The following SLIT3 variants were observed in gnomAD, a reference collection of about 807,000 sequenced individuals.
SLIT3 encodes the protein slit guidance ligand 3.
In SLIT3, 68 loss-of-function variants were observed where a neutral mutation model predicts 184.0. That is an observed-to-expected ratio of 0.37 (90% CI 0.30 to 0.45). The LOEUF (loss-of-function observed/expected upper bound fraction) is 0.45. Ranked by LOEUF, SLIT3 falls within the 20% of genes least tolerant of loss-of-function variation. The probability of loss-of-function intolerance (pLI) is 1.00; values close to 1 mark genes in which losing one functional copy is unlikely to be tolerated. For missense variants in SLIT3, 1,707 were observed against 2,026.0 expected (o/e 0.84, Z 3.02); for synonymous variants, 831 against 828.6 (o/e 1.00, Z -0.05).
intron 14 of SLIT3, among the ~76,000 whole-genome samples, chr5:168,769,051 T>C (rs1028772229): frequency 9.8e-5 from 15 of 152,294 alleles, no homozygotes; most frequent in Non-Finnish European, 2.1e-4. Flanking sequence ...AAGGGCCTCT[T>C]TGAGACTAAG....
chr5:169,203,187 C>A (rs28550883), intron 3 of SLIT3, among the ~76,000 whole-genome samples: 1 of 152,056 alleles, frequency 6.6e-6, no homozygotes, highest in Non-Finnish European at 1.5e-5. Flanking sequence ...CCCCAGAGGC[C>A]GTAGCCAATA....
chr5:169,041,774 A>T (rs765913707), intron 4 of SLIT3, among the ~76,000 whole-genome samples: 6 of 152,182 alleles, frequency 3.9e-5, no homozygotes, highest in Non-Finnish European at 2.9e-5. Context: ...TGCTTCAGAA[A>T]ATAAAGCAGC....
chr5:168,755,405 CTTT>C (rs1754874886), intron 16 of SLIT3, among the ~76,000 whole-genome samples: 5 of 20,132 alleles, frequency 2.5e-4, no homozygotes, highest in East Asian at 3.3e-3. Context: ...TTCTTTCTTT[CTTT>C]CTTTCTTTCT....
rs146962445 is a variant in SLIT3 at position 169,018,175 on chromosome 5, C to T, written c.414-134839G>A. 3.0e-3 allele frequency among the ~76,000 whole-genome samples: 456 copies of T among 152,282 alleles called. 3 individuals are homozygous for T. The highest frequency in any genetic ancestry group is 0.011 in the African/African-American group (438 of 41,558). ...CCACCCCAGAAAACTGAGGCAGATC[C>T]CTGGGACGGGGATGCCCCCAAACCC... On this transcript the variant is annotated intron_variant, in intron 4 of 35. Transcript: ENST00000519560.
At chr5:169,110,846 A>T (rs1482445513) in intron 4 of SLIT3, among the ~76,000 whole-genome samples, 2 of 152,166 alleles carry the variant, frequency 1.3e-5, no homozygotes, top group Non-Finnish European at 2.9e-5. Context: ...ACTTCCCAGA[A>T]TAATTATTTC....
chr5:168,886,838 G>C (rs886489652), intron 4 of SLIT3, among the ~76,000 whole-genome samples: 10 of 152,120 alleles, frequency 6.6e-5, no homozygotes, highest in Non-Finnish European at 1.3e-4. Flanking sequence ...GCATTTTCCA[G>C]CTTCCGGAAA....
chr5:169,067,213 C>T (rs1028672375), intron 4 of SLIT3, among the ~76,000 whole-genome samples: 1 of 151,962 alleles, frequency 6.6e-6, no homozygotes, highest in African/African-American at 2.4e-5. Context: ...AGTTTGGGAC[C>T]AGCCTGGCTA....
intron 4 of SLIT3, among the ~76,000 whole-genome samples, chr5:169,109,961 T>C (rs1277382028): frequency 6.6e-6 from 1 of 152,150 alleles, no homozygotes; most frequent in Non-Finnish European, 1.5e-5. Context: ...AGATCCTCTT[T>C]TCATCCTCAT....
chr5:168,710,411 G>A (rs1762517706), intron 25 of SLIT3, among the ~76,000 whole-genome samples: 1 of 152,080 alleles, frequency 6.6e-6, no homozygotes, highest in Admixed American at 6.6e-5. Flanking sequence ...AAAGTTTGCT[G>A]GATAAAATGG....
At chr5:169,264,909 TA>T (rs1045737964) in intron 1 of SLIT3, among the ~76,000 whole-genome samples, 2 of 152,228 alleles carry the variant, frequency 1.3e-5, no homozygotes, top group African/African-American at 4.8e-5. Context: ...CTCTCTGGGC[TA>T]AATTTTTGGC....
At chr5:168,793,618 C>T (rs1168578705) in intron 10 of SLIT3, among the ~76,000 whole-genome samples, 2 of 152,148 alleles carry the variant, frequency 1.3e-5, no homozygotes, top group Middle Eastern at 3.2e-3. Context: ...CATGGCAAGT[C>T]CAATAGGTTG....
At chr5:169,192,532 C>T (rs943430235) in intron 4 of SLIT3, among the ~76,000 whole-genome samples, 1 of 151,964 alleles carries the variant, frequency 6.6e-6, no homozygotes, top group Non-Finnish European at 1.5e-5. Flanking sequence ...TTTCATGTTT[C>T]CCAATTTATC....
chr5:169,170,081 G>C (rs893078347), intron 4 of SLIT3, among the ~76,000 whole-genome samples: 5 of 152,184 alleles, frequency 3.3e-5, no homozygotes, highest in Non-Finnish European at 5.9e-5. Context: ...GACTGCACTC[G>C]GATGAGGGAT....
intron 6 of SLIT3, among the ~76,000 whole-genome samples, chr5:168,834,084 C>T (rs1757965123): frequency 1.3e-5 from 2 of 152,178 alleles, no homozygotes; most frequent in African/African-American, 4.8e-5. Context: ...GCAGGGCCGG[C>T]TCTTTTTCTT....
chr5:169,149,894 C>T (rs1166273437), intron 4 of SLIT3, among the ~76,000 whole-genome samples: 1 of 152,194 alleles, frequency 6.6e-6, no homozygotes, highest in Non-Finnish European at 1.5e-5. Context: ...GTTGACTTCC[C>T]TCTATGCCAG....
At chr5:169,123,254 A>C (rs1274235851) in intron 4 of SLIT3, among the ~76,000 whole-genome samples, 1 of 152,186 alleles carries the variant, frequency 6.6e-6, no homozygotes. Flanking sequence ...AGGAACAAAC[A>C]TCAAATTTAT....
At chr5:168,923,901 C>G (rs1024174274) in intron 4 of SLIT3, among the ~76,000 whole-genome samples, 4 of 152,270 alleles carry the variant, frequency 2.6e-5, no homozygotes, top group African/African-American at 9.6e-5. Flanking sequence ...AGCCTGCTGC[C>G]TGAAATAAAG....
intron 26 of SLIT3, among the ~76,000 whole-genome samples, chr5:168,704,702 C>A (rs918737767): frequency 6.6e-6 from 1 of 152,188 alleles, no homozygotes; most frequent in Non-Finnish European, 1.5e-5. Context: ...GTAGCTGCTA[C>A]CAAATGTTAC....
intron 4 of SLIT3, among the ~76,000 whole-genome samples, chr5:168,973,550 C>T (rs1234560860): frequency 1.3e-5 from 2 of 152,202 alleles, no homozygotes; most frequent in Admixed American, 6.5e-5. Context: ...CTGGCCTTCA[C>T]TGAAAAATTT....
Sources: gnomAD v4.1 joint callset for allele counts (sites outside exome capture counted in the v4.1 genomes callset) on GRCh38, gnomAD v4.1.1 for gene constraint, MANE v1.5 for transcripts, NCBI Gene and HGNC (gene_info 2026-07-23, HGNC 2026-07-21) for gene names.